SPICE1: variants seen among roughly 807,000 people sequenced by gnomAD.
SPICE1 encodes the protein spindle and centriole associated protein 1.
In SPICE1, 75 loss-of-function variants were observed where a neutral mutation model predicts 102.7. The observed-to-expected ratio is 0.73, with a 90% confidence interval of 0.61 to 0.88. The LOEUF is 0.88. Ranked by LOEUF, SPICE1 falls within the 40% of genes least tolerant of loss-of-function variation. The pLI is 0.00. For synonymous variants in SPICE1, 308 were observed against 350.3 expected, an observed-to-expected ratio of 0.88 and a Z score of 1.35; for missense variants, 979 against 1,020.1, an observed-to-expected ratio of 0.96 and a Z score of 0.55.
Position 113,504,369 on chromosome 3 carries a change from A to G in SPICE1, c.100-1142T>C, listed in dbSNP as rs567611322. Among the ~76,000 whole-genome samples, 4 of 152,262 alleles carry G rather than the reference A, an allele frequency of 2.6e-5. No individual in the cohort carries two copies. In the South Asian group the frequency reaches 8.3e-4, roughly 32 times the overall value. On this transcript the variant is annotated intron_variant, in intron 2 of 17. Transcript: ENST00000295872. ...TGATCAAAGACTAAACTTTTTGGCCATGATTTATATTTGGCTCAAGGCTTT... is the reference window on the plus strand; with the variant it reads ...TGATCAAAGACTAAACTTTTTGGCCGTGATTTATATTTGGCTCAAGGCTTT...
rs767458439 is a variant in SPICE1, at chr3:113,485,167, G to GTT, written c.611+3776_611+3777dup. Among the ~76,000 whole-genome samples, 1,080 of 147,080 alleles carry GTT rather than the reference G, an allele frequency of 7.3e-3. 12 individuals are homozygous for GTT. The highest frequency in any genetic ancestry group is 0.025 in the African/African-American group (981 of 39,290). On this transcript the variant is annotated intron_variant, in intron 7 of 17. Transcript: ENST00000295872. ...GGCAGACACCAAACTAGCTGCAGGA[G>GTT]TTTTGTTTGTTTTTTTTTTTTTTTC...
intron 4 of SPICE1, among the ~76,000 whole-genome samples, chr3:113,497,371 A>G (rs1478484649): frequency 6.6e-6 from 1 of 152,172 alleles, no homozygotes; most frequent in Non-Finnish European, 1.5e-5. Flanking sequence ...CTTAAACTAT[A>G]CTCTAACACA....
At chr3:113,469,746 C>T (rs934732206) in intron 7 of SPICE1, among the ~76,000 whole-genome samples, 4 of 152,040 alleles carry the variant, frequency 2.6e-5, no homozygotes, top group African/African-American at 9.7e-5. Flanking sequence ...ATTCCATCTG[C>T]CTCCCAGTTT....
chr3:113,494,268 A>C, intron 4 of SPICE1, 126 bp from the exon 5 acceptor site: 1 of 590,614 alleles, frequency 1.7e-6, no homozygotes, highest in Non-Finnish European at 2.9e-6. Context: ...AAAAACCTTC[A>C]GTAGCAATAT....
chr3:113,494,103 T>C lies in SPICE1; in HGVS notation c.331A>G (p.Lys111Glu). 6.2e-7 allele frequency: 1 copy of C among 1,612,794 alleles called. No individual in the cohort carries two copies. Among genetic ancestry groups the C allele is most frequent in the Non-Finnish European group, 8.5e-7 (1 of 1,179,668 alleles). ...GCTGCAGCTATTAGATGATCAGATT[T>C]CTCCAACACATCTTGCATCTGGTAT... is the stretch of plus-strand genomic sequence containing the variant. The part of the protein sequence containing the change: ...DQYQMQDVLE[K>E]SDHLIAAAKE... Residue 111 changes from lysine to glutamate, a missense_variant, in exon 5 of 18, where the codon AAA becomes GAA. Transcript: ENST00000295872.
chr3:113,485,612 G>T (rs1936629028), intron 7 of SPICE1, among the ~76,000 whole-genome samples: 1 of 152,218 alleles, frequency 6.6e-6, no homozygotes, highest in Middle Eastern at 3.4e-3. Context: ...CATCTCCCTG[G>T]GACAGAGCAC....
rs1410520609 is a variant in SPICE1 at position 113,443,969 on chromosome 3, G to A, written c.*1338C>T. 2.6e-5 allele frequency: 4 copies of A among 152,156 alleles called. No individual in the cohort carries two copies. The East Asian group carries it at 7.7e-4, about 29-fold the overall frequency. 9.4% of individuals were successfully genotyped at this position (152,156 alleles called of 1,614,324 possible). A position where few individuals can be genotyped will look rare whatever the true frequency, so the allele number is the denominator to read the frequency against. ...ATGTTGTTATCAATCCAGTATCTCT[G>A]CCAACCTGTAATTTGGAAAACTGTA... is the stretch of plus-strand genomic sequence containing the variant. On this transcript the variant is annotated 3_prime_UTR_variant, in exon 18 of 18. Coordinates refer to ENST00000295872, the MANE Select transcript of SPICE1 (RefSeq NM_144718.4).
chr3:113,460,402 G>A (rs1935902873), intron 12 of SPICE1: 15 of 943,826 alleles, frequency 1.6e-5, no homozygotes, highest in Non-Finnish European at 1.9e-5. Flanking sequence ...ATTATGACAC[G>A]AATTGAAATT....
At chr3:113,454,474 CAAGG>C in intron 13 of SPICE1, among the ~76,000 whole-genome samples, 1 of 152,216 alleles carries the variant, frequency 6.6e-6, no homozygotes, top group South Asian at 2.1e-4. Context: ...TTTGCAAGGC[CAAGG>C]TCGGCAGATC....
At position 113,492,679 on chromosome 3, in the gene SPICE1, G is replaced by A. The variant is rs979816146; in HGVS notation, c.492+527C>T. On this transcript the variant is annotated intron_variant, in intron 6 of 17. Transcript: ENST00000295872. Reference sequence around the variant, plus strand: ...ACATAACTTTTCGCACCTGATCCATGCAACAATGATATCAGGTACATTCTA... The same window carrying A: ...ACATAACTTTTCGCACCTGATCCATACAACAATGATATCAGGTACATTCTA... Among the ~76,000 whole-genome samples the A allele has an allele frequency of 3.3e-5, 5 of 152,148 alleles. No individual in the cohort carries two copies. The South Asian group carries it at 6.2e-4, about 19-fold the overall frequency.
At chr3:113,501,400 A>G (rs764051769) in intron 3 of SPICE1, among the ~76,000 whole-genome samples, 4 of 152,210 alleles carry the variant, frequency 2.6e-5, no homozygotes, top group Non-Finnish European at 4.4e-5. Flanking sequence ...GTGACAAAAT[A>G]AAAAACAGGT....
In SPICE1 at chr3:113,494,370, G is replaced by C. The variant is rs1209331816; in HGVS notation, c.292-228C>G. On this transcript the variant is annotated intron_variant, in intron 4 of 17. Coordinates refer to ENST00000295872, the MANE Select transcript of SPICE1 (RefSeq NM_144718.4). ...AAGTAAGAAATATTCACAATTGGCC[G>C]GGCGCGGTGGCTCACGCCTGTAATC... 2.6e-5 allele frequency among the ~76,000 whole-genome samples: 4 copies of C among 152,220 alleles called. No individual in the cohort carries two copies. The East Asian group carries it at 7.7e-4, about 29-fold the overall frequency.
rs200317166 is a variant in SPICE1, at chr3:113,493,175, G to A, written c.492+31C>T. The A allele has an allele frequency of 6.9e-6, 10 of 1,443,216 alleles. No homozygotes were observed. In the Admixed American group the frequency reaches 1.2e-4, roughly 17 times the overall value. The allele number at this position is 1,443,216 out of a possible 1,614,324, so 89.4% of individuals were successfully genotyped here. On this transcript the variant is annotated intron_variant, in intron 6 of 17. Coordinates refer to ENST00000295872, the MANE Select transcript of SPICE1 (RefSeq NM_144718.4). Reference sequence around the variant, plus strand: ...ATCAACTTAAACTTCCTTTCAGCATGAGTGTTATAGCTGTGAGTGGAACAC... The same window carrying A: ...ATCAACTTAAACTTCCTTTCAGCATAAGTGTTATAGCTGTGAGTGGAACAC...
chr3:113,448,154 A>G lies in SPICE1; in HGVS notation c.2324-14T>C. 6.3e-7 allele frequency: 1 copy of G among 1,576,366 alleles called. No homozygotes were observed. ...TCTTTGCTCCTTCTAAAATATAAAA[A>G]TAAATATTAGTTCCATTACCTTTCA... On this transcript the variant is annotated splice_polypyrimidine_tract_variant and intron_variant, in intron 15 of 17. Coordinates refer to ENST00000295872, the MANE Select transcript of SPICE1 (RefSeq NM_144718.4).
At position 113,465,720 on chromosome 3, in the gene SPICE1, T is replaced by C. The variant is rs368417501; in HGVS notation, c.1220A>G (p.His407Arg). Residue 407 changes from histidine to arginine, a missense_variant, in exon 11 of 18, where the codon CAT (histidine) becomes CGT (arginine). Physicochemically the swap from His to Arg is conservative, Grantham distance 29. Transcript: ENST00000295872. ...TGTCAGAGCATCAATGAGCTCTCGA[T>C]GATCACCTAATACTTGTTCCAGTTG... ...RQQLEQVLGDHRELIDALTAE... is the reference protein window; with the variant it reads ...RQQLEQVLGDRRELIDALTAE... 1 of 1,613,922 alleles carries C rather than the reference T, an allele frequency of 6.2e-7. No homozygotes were observed. The highest frequency in any genetic ancestry group is 8.5e-7 in the Non-Finnish European group (1 of 1,179,854).
chr3:113,508,466 T>C (rs1272484396), intron 1 of SPICE1, among the ~76,000 whole-genome samples: 1 of 152,130 alleles, frequency 6.6e-6, no homozygotes, highest in Non-Finnish European at 1.5e-5. Context: ...AGGACTTGAA[T>C]AGACATTCCT....
At chr3:113,489,154 C>G in intron 6 of SPICE1, 91 bp from the exon 7 acceptor site, 1 of 742,870 alleles carries the variant, frequency 1.3e-6, no homozygotes, top group South Asian at 1.8e-5. Flanking sequence ...GAAGAGAGTT[C>G]CCTCCTCCTA....
chr3:113,449,222 T>A (rs924862009), intron 15 of SPICE1: 2 of 152,248 alleles, frequency 1.3e-5, no homozygotes, highest in African/African-American at 4.8e-5. Flanking sequence ...ACTGATATTA[T>A]CCCAAATATT....
At chr3:113,477,855 G>A (rs7623389) in intron 7 of SPICE1, among the ~76,000 whole-genome samples, 80,844 of 150,110 alleles carry the variant, frequency 0.54, 23,017 homozygotes, top group African/African-American at 0.72. Context: ...GTTAATGGGT[G>A]CAGCACACCA....
Sources: allele counts gnomAD v4.1 joint callset (sites outside exome capture counted in the v4.1 genomes callset), GRCh38; gene constraint gnomAD v4.1.1; transcripts MANE v1.5; gene names NCBI Gene and HGNC (gene_info 2026-07-23, HGNC 2026-07-21).